The following EFHC2 variants were observed in gnomAD, a reference collection of about 807,000 sequenced individuals.
EFHC2 encodes the protein EF-hand domain-containing family member C2.
EFHC2 carries 18 observed loss-of-function variants against 52.7 expected under a neutral mutation model. The ratio of observed to expected loss-of-function variants is 0.34; its 90% confidence interval spans 0.24 to 0.51. EFHC2 has a LOEUF of 0.51. Among genes scored for constraint, EFHC2 ranks in the 20% least tolerant of loss-of-function variants. The pLI is 0.97. For missense variants in EFHC2, 513 were observed against 562.5 expected (o/e 0.91, Z 0.89); for synonymous variants, 203 against 204.1 (o/e 0.99, Z 0.04).
intron 2 of EFHC2, among the ~76,000 whole-genome samples, chrX:44,307,867 G>C (rs2037917303): frequency 9.1e-6 from 1 of 110,110 alleles, no homozygotes; most frequent in Non-Finnish European, 1.9e-5. Context: ...CCAAGAGGCA[G>C]AGGTTGCAGT....
chrX:44,320,499 C>T (rs1470071039), intron 1 of EFHC2, among the ~76,000 whole-genome samples: 1 of 111,569 alleles, frequency 9.0e-6, no homozygotes, highest in African/African-American at 3.3e-5. Context: ...ACTAAGCAAA[C>T]AAAAGTGACT....
intron 3 of EFHC2, among the ~76,000 whole-genome samples, chrX:44,263,628 C>A (rs1343941693): frequency 8.9e-6 from 1 of 112,013 alleles, no homozygotes; most frequent in Non-Finnish European, 1.9e-5. Flanking sequence ...GCACTGAAAA[C>A]AGTATGCAAA....
intron 11 of EFHC2, among the ~76,000 whole-genome samples, chrX:44,212,884 T>G (rs1380580307): frequency 9.2e-6 from 1 of 108,144 alleles, no homozygotes; most frequent in Admixed American, 9.9e-5. Context: ...GCTGATTTTT[T>G]TTTTATTTTT....
intron 11 of EFHC2, among the ~76,000 whole-genome samples, chrX:44,186,314 A>T (rs992361296): frequency 6.2e-5 from 7 of 112,374 alleles, no homozygotes; most frequent in Non-Finnish European, 1.3e-4. Flanking sequence ...GCATTTAAAC[A>T]AGCTAAAGCA....
chrX:44,206,446 T>C (rs2037049495), intron 11 of EFHC2, among the ~76,000 whole-genome samples: 1 of 111,816 alleles, frequency 8.9e-6, no homozygotes, highest in Non-Finnish European at 1.9e-5. Context: ...AATGTGATTC[T>C]ACACCTAAAA....
At chrX:44,316,715 A>G (rs2037985320) in intron 1 of EFHC2, among the ~76,000 whole-genome samples, 1 of 111,681 alleles carries the variant, frequency 9.0e-6, no homozygotes, top group Non-Finnish European at 1.9e-5. Context: ...CCAGAGAATG[A>G]CAGAAAATAT....
intron 11 of EFHC2, among the ~76,000 whole-genome samples, chrX:44,213,974 G>C (rs2037123051): frequency 1.8e-5 from 2 of 111,355 alleles, no homozygotes; most frequent in Non-Finnish European, 3.8e-5. Flanking sequence ...TAGTAAACTG[G>C]ACATGGATGA....
At chrX:44,312,088 G>A (rs2037951671) in intron 2 of EFHC2, among the ~76,000 whole-genome samples, 1 of 112,373 alleles carries the variant, frequency 8.9e-6, no homozygotes, top group African/African-American at 3.2e-5. Flanking sequence ...GGATACTTTT[G>A]TTCTTGAATT....
intron 11 of EFHC2, among the ~76,000 whole-genome samples, chrX:44,180,930 C>CA (rs34704656): frequency 1.9e-3 from 160 of 86,198 alleles, no homozygotes; most frequent in African/African-American, 4.2e-3. Flanking sequence ...CCATCTCTAC[C>CA]AAAAAAAAAA....
intron 3 of EFHC2, among the ~76,000 whole-genome samples, chrX:44,270,535 G>C (rs1271438090): frequency 9.0e-6 from 1 of 111,609 alleles, no homozygotes; most frequent in Non-Finnish European, 1.9e-5. Flanking sequence ...GTAGAGCATG[G>C]GCATGTTAAA....
intron 13 of EFHC2, among the ~76,000 whole-genome samples, chrX:44,168,984 A>T (rs2036722095): frequency 9.0e-6 from 1 of 111,234 alleles, no homozygotes; most frequent in Non-Finnish European, 1.9e-5. Context: ...CAGCAACACA[A>T]AAAAAAACAA....
intron 2 of EFHC2, among the ~76,000 whole-genome samples, chrX:44,302,726 C>A (rs1175445675): frequency 2.7e-5 from 3 of 111,665 alleles, no homozygotes; most frequent in African/African-American, 9.8e-5. Context: ...AAATGTATTG[C>A]AATTACGTTG....
At chrX:44,322,101 G>C (rs1387700030) in intron 1 of EFHC2, among the ~76,000 whole-genome samples, 1 of 103,908 alleles carries the variant, frequency 9.6e-6, no homozygotes, top group South Asian at 4.4e-4. Context: ...CAAGTGCCTA[G>C]AACAGAGAAT....
At chrX:44,290,505 AC>A (rs2037785362) in intron 2 of EFHC2, among the ~76,000 whole-genome samples, 1 of 90,171 alleles carries the variant, frequency 1.1e-5, no homozygotes, top group African/African-American at 4.4e-5. Context: ...CTTTTCAGAA[AC>A]CTTAAGTTTC....
chrX:44,248,431 T>C, intron 6 of EFHC2, 21 bp from the exon 7 acceptor site: 4 of 1,186,912 alleles, frequency 3.4e-6, no homozygotes, highest in South Asian at 1.9e-5. Context: ...CAAAGGAACA[T>C]AGCATTGGCA....
At chrX:44,254,109 C>G (rs1216037499) in intron 4 of EFHC2, among the ~76,000 whole-genome samples, 1 of 112,226 alleles carries the variant, frequency 8.9e-6, no homozygotes, top group African/African-American at 3.2e-5. Context: ...AAAACTCCAT[C>G]CGAAGGTCAA....
At chrX:44,181,102 A>C (rs1602138205) in intron 11 of EFHC2, among the ~76,000 whole-genome samples, 2 of 111,160 alleles carry the variant, frequency 1.8e-5, no homozygotes, top group African/African-American at 6.6e-5. Flanking sequence ...CTCTAAAAAA[A>C]GAAAAGTATG....
chrX:44,275,841 G>A (rs1424942947), intron 2 of EFHC2, among the ~76,000 whole-genome samples: 1 of 107,675 alleles, frequency 9.3e-6, no homozygotes, highest in Non-Finnish European at 1.9e-5. Context: ...TTGAACCCGG[G>A]AGGTGGAGGT....
chrX:44,206,501 CT>C (rs1336684946), intron 11 of EFHC2, among the ~76,000 whole-genome samples: 27 of 112,193 alleles, frequency 2.4e-4, no homozygotes, highest in African/African-American at 8.4e-4. Flanking sequence ...TGAAAAATGA[CT>C]TCAGTAAAGT....
Sources: gnomAD v4.1 joint callset for allele counts (sites outside exome capture counted in the v4.1 genomes callset) on GRCh38, gnomAD v4.1.1 for gene constraint, MANE v1.5 for transcripts, NCBI Gene and HGNC (gene_info 2026-07-23, HGNC 2026-07-21) for gene names.